UNC79: variants seen among roughly 807,000 people sequenced by gnomAD.
UNC79 encodes unc-79 subunit of NALCN channel complex.
Under a neutral mutation model 283.1 loss-of-function variants are expected in UNC79, and 37 were observed. That is an observed-to-expected ratio of 0.13 (90% confidence interval 0.10 to 0.17). The LOEUF (loss-of-function observed/expected upper bound fraction) is 0.17, where lower values mean the gene tolerates loss of function less well. Ranked by LOEUF, UNC79 falls within the 10% of genes least tolerant of loss-of-function variation. The probability of loss-of-function intolerance (pLI) is 1.00; values close to 1 mark genes in which losing one functional copy is unlikely to be tolerated. For missense variants in UNC79, 2,272 were observed against 3,211.1 expected, an observed-to-expected ratio of 0.71 and a Z score of 7.07; for synonymous variants, 1,107 against 1,200.2, an observed-to-expected ratio of 0.92 and a Z score of 1.61.
intron 3 of UNC79, among the ~76,000 whole-genome samples, chr14:93,477,060 T>C (rs2057843302): frequency 6.6e-6 from 1 of 152,224 alleles, no homozygotes; most frequent in Admixed American, 6.5e-5. Flanking sequence ...CACATGGTCA[T>C]GTAGCACCAG....
At chr14:93,596,102 T>C (rs1300693711) in intron 23 of UNC79, among the ~76,000 whole-genome samples, 1 of 152,182 alleles carries the variant, frequency 6.6e-6, no homozygotes, top group African/African-American at 2.4e-5. Flanking sequence ...GTTGACAAAT[T>C]ATAAAAGGCA....
chr14:93,333,468 T>A (rs1003676471), exon 1 of UNC79: 5 of 398,510 alleles, frequency 1.3e-5, no homozygotes, highest in African/African-American at 1.0e-4. Context: ...GGAAAGTCAT[T>A]GCTGACAGTC....
intron 47 of UNC79, among the ~76,000 whole-genome samples, chr14:93,697,774 A>G (rs1348202737): frequency 6.6e-6 from 1 of 152,138 alleles, no homozygotes; most frequent in Non-Finnish European, 1.5e-5. Flanking sequence ...GATTTTTTTA[A>G]TTAGCTGGGT....
intron 31 of UNC79, among the ~76,000 whole-genome samples, chr14:93,636,089 A>G (rs1401152652): frequency 3.3e-5 from 5 of 152,196 alleles, no homozygotes; most frequent in Admixed American, 1.3e-4. Flanking sequence ...TACAATGACA[A>G]CCTACTTCAA....
At position 93,353,824 on chromosome 14, in the gene UNC79, A is replaced by G. The variant is rs115631904; in HGVS notation, c.-351+20301A>G. 8.2e-3 allele frequency among the ~76,000 whole-genome samples: 1,251 copies of G among 152,320 alleles called. 14 individuals are homozygous for G. The highest frequency in any genetic ancestry group is 0.054 in the Middle Eastern group (16 of 294). ...TATTTACTGAAGAACCAAAAAGAAAAAGTCAGTGCCCTAACTTGCTCTAGA... is the reference window on the plus strand; with the variant it reads ...TATTTACTGAAGAACCAAAAAGAAAGAGTCAGTGCCCTAACTTGCTCTAGA... On this transcript the variant is annotated intron_variant, in intron 1 of 49. Transcript: ENST00000256339.
intron 1 of UNC79, among the ~76,000 whole-genome samples, chr14:93,452,089 C>T (rs1447382044): frequency 6.6e-6 from 1 of 152,200 alleles, no homozygotes; most frequent in Non-Finnish European, 1.5e-5. Flanking sequence ...TCATGTCTTA[C>T]TTAAATATTA....
intron 1 of UNC79, among the ~76,000 whole-genome samples, chr14:93,395,810 CT>C (rs908380222): frequency 4.0e-5 from 6 of 151,506 alleles, no homozygotes; most frequent in South Asian, 2.1e-4. Flanking sequence ...TGGTTTGTTT[CT>C]TTTTTTTGGG....
chr14:93,664,582 A>T (rs1252261532), intron 40 of UNC79, among the ~76,000 whole-genome samples: 1 of 152,180 alleles, frequency 6.6e-6, no homozygotes, highest in African/African-American at 2.4e-5. Context: ...TTCACTTGGT[A>T]AAAGGGTGGT....
intron 1 of UNC79, among the ~76,000 whole-genome samples, chr14:93,447,615 A>G (rs971960105): frequency 6.6e-6 from 1 of 151,904 alleles, no homozygotes; most frequent in Non-Finnish European, 1.5e-5. Flanking sequence ...TCTATCTGAA[A>G]TTTATTTCTC....
At chr14:93,420,945 A>G (rs1031508999) in intron 1 of UNC79, among the ~76,000 whole-genome samples, 1 of 151,770 alleles carries the variant, frequency 6.6e-6, no homozygotes, top group Non-Finnish European at 1.5e-5. Flanking sequence ...CCTATGGGAT[A>G]TAGCAAAAGC....
intron 14 of UNC79, among the ~76,000 whole-genome samples, chr14:93,545,279 G>T (rs1311762401): frequency 1.3e-5 from 2 of 152,074 alleles, no homozygotes; most frequent in Non-Finnish European, 2.9e-5. Flanking sequence ...ATTACTTTTG[G>T]TTACAAAATT....
chr14:93,686,518 A>G (rs2074252830), intron 42 of UNC79, 54 bp from the exon 46 acceptor site: 2 of 1,587,512 alleles, frequency 1.3e-6, no homozygotes, highest in South Asian at 2.2e-5. Context: ...TGAGGCAATC[A>G]TTGGAGTCAG....
chr14:93,588,214 A>G (rs1271112179), intron 22 of UNC79, among the ~76,000 whole-genome samples: 3 of 152,176 alleles, frequency 2.0e-5, no homozygotes, highest in Non-Finnish European at 4.4e-5. Flanking sequence ...TTGGAGATCC[A>G]TGGAAGACCT....
intron 40 of UNC79, among the ~76,000 whole-genome samples, chr14:93,672,335 G>T (rs1390665757): frequency 6.6e-6 from 1 of 152,194 alleles, no homozygotes; most frequent in African/African-American, 2.4e-5. Context: ...TATACATAAT[G>T]AACTACTATT....
intron 16 of UNC79, 48 bp downstream of exon 16, chr14:93,572,864 A>G: frequency 1.9e-6 from 3 of 1,602,818 alleles, no homozygotes; most frequent in Non-Finnish European, 2.6e-6. Context: ...TTCTTAGCTT[A>G]TAAGCTTTAG....
intron 3 of UNC79, among the ~76,000 whole-genome samples, chr14:93,476,251 G>A (rs1026947449): frequency 3.3e-5 from 5 of 152,116 alleles, no homozygotes; most frequent in African/African-American, 4.8e-5. Context: ...ACTAGGCAAC[G>A]GTTTTGTCGC....
intron 5 of UNC79, among the ~76,000 whole-genome samples, chr14:93,495,153 A>G (rs1399065968): frequency 6.6e-6 from 1 of 152,158 alleles, no homozygotes; most frequent in East Asian, 1.9e-4. Flanking sequence ...TAGTCTGTGT[A>G]TTGGTGTATT....
intron 1 of UNC79, among the ~76,000 whole-genome samples, chr14:93,337,063 G>A (rs35803481): frequency 0.16 from 24,080 of 152,226 alleles, 2,104 homozygotes; most frequent in East Asian, 0.31. Context: ...CAGGCTGCCA[G>A]TTCCCAGTGA....
intron 31 of UNC79, chr14:93,634,550 C>G: frequency 1.2e-6 from 2 of 1,614,052 alleles, no homozygotes; most frequent in East Asian, 4.5e-5. Flanking sequence ...AAGGGGATCC[C>G]TGGGAGTTCT....
Sources: allele counts gnomAD v4.1 joint callset (sites outside exome capture counted in the v4.1 genomes callset), GRCh38; gene constraint gnomAD v4.1.1; transcripts MANE v1.5; gene names NCBI Gene and HGNC (gene_info 2026-07-23, HGNC 2026-07-21).